CSTF1: variants seen among roughly 807,000 people sequenced by gnomAD.
CSTF1 encodes cleavage stimulation factor subunit 1, also known as CF-1 50 kDa subunit.
Under a neutral mutation model 40.9 loss-of-function variants are expected in CSTF1, and 2 were observed. The observed-to-expected ratio is 0.05, with a 90% CI of 0.02 to 0.15. The LOEUF (loss-of-function observed/expected upper bound fraction) is 0.15, where lower values mean the gene tolerates loss of function less well. CSTF1 is among the 10% of genes least tolerant of loss of function. The pLI, the probability that CSTF1 is intolerant of heterozygous loss-of-function variation, is 1.00. For missense variants in CSTF1, 279 were observed against 558.9 expected (o/e 0.50, Z 5.05); for synonymous variants, 218 against 207.2 (o/e 1.05, Z -0.45).
rs188320852 is a variant in CSTF1, at chr20:56,406,272, T to C, written c.*2545T>C. 2.0e-5 allele frequency: 3 copies of C among 152,260 alleles called. No individual in the cohort carries two copies. In the East Asian group the frequency reaches 5.8e-4, roughly 29 times the overall value. The allele number at this position is 152,260 out of a possible 1,614,324, so 9.4% of individuals were successfully genotyped here. On this transcript the variant is annotated 3_prime_UTR_variant, in exon 6 of 6. Transcript: ENST00000217109. ...ACACAACACTCTGCCATTCAAATAA[T>C]GAATATCTGGTCAGGATACGAACTT... is the stretch of plus-strand genomic sequence containing the variant.
chr20:56,400,826 G>C (rs1381085225), intron 5 of CSTF1, among the ~76,000 whole-genome samples: 1 of 152,112 alleles, frequency 6.6e-6, no homozygotes, highest in Non-Finnish European at 1.5e-5. Flanking sequence ...AGATCACAAG[G>C]TCAGGAGTTT....
chr20:56,403,959 G>A lies in CSTF1; in HGVS notation c.*232G>A. On this transcript the variant is annotated 3_prime_UTR_variant, in exon 6 of 6. Coordinates refer to ENST00000217109, the MANE Select transcript of CSTF1 (RefSeq NM_001324.3). ...CTACATTCACTGATTATTACAGTGTGATTTTCATCGGTTTTGTAAGTACAG... is the reference window on the plus strand; with the variant it reads ...CTACATTCACTGATTATTACAGTGTAATTTTCATCGGTTTTGTAAGTACAG... The A allele has an allele frequency of 4.3e-6, 2 of 466,600 alleles. No homozygotes were observed. The highest frequency in any genetic ancestry group is 4.5e-5 in the South Asian group (1 of 22,190). 28.9% of individuals were successfully genotyped at this position (466,600 alleles called of 1,614,324 possible).
chr20:56,400,245 A>G (rs1194130009), intron 5 of CSTF1, among the ~76,000 whole-genome samples: 4 of 152,166 alleles, frequency 2.6e-5, no homozygotes, highest in African/African-American at 4.8e-5. Context: ...GATTTGTCTC[A>G]TTGTAACCAA....
At position 56,397,425 on chromosome 20, in the gene CSTF1, G is replaced by T; in HGVS notation, c.388G>T (p.Ala130Ser). The change falls in exon 3 of 6, where the codon GCT becomes TCT. Residue 130 changes from alanine (A) to serine (S), a missense_variant. Coordinates refer to ENST00000217109, the MANE Select transcript of CSTF1 (RefSeq NM_001324.3). This position sits in a 1 kb window ranked among gnomAD's most constrained non-coding sequence, Gnocchi z 4.4. Reference sequence around the variant, plus strand: ...GTTAATAGCTACTGGGTCTGCTGATGCTTCGATAAAGATACTTGACACAGA... The same window carrying T: ...GTTAATAGCTACTGGGTCTGCTGATTCTTCGATAAAGATACTTGACACAGA... ...GQLIATGSAD[A>S]SIKILDTERM... 6.2e-7 allele frequency: 1 copy of T among 1,614,164 alleles called. No homozygotes were observed. The highest frequency in any genetic ancestry group is 8.5e-7 in the Non-Finnish European group (1 of 1,180,038).
chr20:56,393,760 C>T (rs569933483), intron 1 of CSTF1, among the ~76,000 whole-genome samples: 2 of 152,232 alleles, frequency 1.3e-5, no homozygotes, highest in African/African-American at 4.8e-5. Context: ...TGGGTGGTGT[C>T]AGCCTCTAAT....
In CSTF1 at chr20:56,399,104, C is replaced by T. The variant is rs781732308; in HGVS notation, c.783C>T (p.His261=). The part of the protein sequence containing the change: ...CFVSCNPQDQ[H]TDAICSVNYN... Reference sequence around the variant, plus strand: ...TCTCTTGCAATCCTCAAGATCAACACACCGATGCTATATGTTCCGTTAATT... The same window carrying T: ...TCTCTTGCAATCCTCAAGATCAACATACCGATGCTATATGTTCCGTTAATT... The change falls in exon 5 of 6, where the codon CAC becomes CAT. Residue 261 remains histidine (H), a synonymous_variant. Coordinates refer to ENST00000217109, the MANE Select transcript of CSTF1 (RefSeq NM_001324.3). The surrounding 1 kb of genome is among the most constrained non-coding windows in gnomAD (Gnocchi z 4.6). 1.4e-5 allele frequency: 23 copies of T among 1,614,076 alleles called. No homozygotes were observed. The highest frequency in any genetic ancestry group is 8.8e-5 in the South Asian group (8 of 91,090).
At chr20:56,400,596 C>T (rs972670921) in intron 5 of CSTF1, among the ~76,000 whole-genome samples, 1 of 152,064 alleles carries the variant, frequency 6.6e-6, no homozygotes, top group African/African-American at 2.4e-5. Flanking sequence ...GGTTGATTGG[C>T]TTGTTTTAGT....
chr20:56,392,555 G>GA (rs1347166297), upstream of CSTF1: 1 of 151,602 alleles, frequency 6.6e-6, no homozygotes, highest in Admixed American at 6.5e-5. Flanking sequence ...AAGATGGCGA[G>GA]AAAAGCAAGA....
rs1301467420 is a variant in CSTF1, at chr20:56,395,888, G to A, written c.169+167G>A. 18 of 669,276 alleles carry A rather than the reference G, an allele frequency of 2.7e-5. No individual in the cohort carries two copies. The Admixed American group carries it at 5.5e-4, about 21-fold the overall frequency. 41.5% of individuals were successfully genotyped at this position (669,276 alleles called of 1,614,324 possible). A position where few individuals can be genotyped will look rare whatever the true frequency, so the allele number is the denominator to read the frequency against. ...GTTCAGGAAGTAGCTCAGTAAGTAAGGGGTAAAGCAAAGTTCAGATTATGA... is the reference window on the plus strand; with the variant it reads ...GTTCAGGAAGTAGCTCAGTAAGTAAAGGGTAAAGCAAAGTTCAGATTATGA... On this transcript the variant is annotated intron_variant, in intron 2 of 5. Coordinates refer to ENST00000217109, the MANE Select transcript of CSTF1 (RefSeq NM_001324.3).
At chr20:56,400,902 G>C (rs1978419944) in intron 5 of CSTF1, among the ~76,000 whole-genome samples, 1 of 152,126 alleles carries the variant, frequency 6.6e-6, no homozygotes, top group Non-Finnish European at 1.5e-5. Flanking sequence ...AGCTGGGCTT[G>C]GTGGCGGGCG....
chr20:56,397,084 G>A lies in CSTF1; in HGVS notation c.170-123G>A, dbSNP rs112426844. 2.0e-4 allele frequency: 209 copies of A among 1,035,882 alleles called. No individual in the cohort carries two copies. In the African/African-American group the frequency reaches 2.6e-3, roughly 13 times the overall value. The allele number at this position is 1,035,882 out of a possible 1,614,324, so 64.2% of individuals were successfully genotyped here. A position where few individuals can be genotyped will look rare whatever the true frequency, so the allele number is the denominator to read the frequency against. On this transcript the variant is annotated intron_variant, in intron 2 of 5. Transcript: ENST00000217109. The surrounding 1 kb of genome is among the most constrained non-coding windows in gnomAD (Gnocchi z 4.4). ...TTTTGTAAAGTGTTAGGTGTCACGCGGCTCCAAGAAATAGGAGGTTGACAC... is the reference window on the plus strand; with the variant it reads ...TTTTGTAAAGTGTTAGGTGTCACGCAGCTCCAAGAAATAGGAGGTTGACAC...
At position 56,395,643 on chromosome 20, in the gene CSTF1, G is replaced by A; in HGVS notation, c.91G>A (p.Ala31Thr). 1 of 1,614,042 alleles carries A rather than the reference G, an allele frequency of 6.2e-7. No individual in the cohort carries two copies. Residue 31 changes from alanine to threonine, a missense_variant, in exon 2 of 6, where the codon GCC becomes ACC. Transcript: ENST00000217109. ...GCTATATGACGGCTACATCAGCATC[G>A]CCAATGGCCTCATCAATGAAATCAA... ...QLLYDGYISI[A>T]NGLINEIKPQ...
chr20:56,396,766 CTT>C (rs762908947), intron 2 of CSTF1, among the ~76,000 whole-genome samples: 119 of 152,024 alleles, frequency 7.8e-4, no homozygotes, highest in Middle Eastern at 3.4e-3. Context: ...TTTTAAATAA[CTT>C]TATTTCAAAA....
chr20:56,397,408 C>T lies in CSTF1; in HGVS notation c.371C>T (p.Ala124Val). ...ATYSRDGQLI[A>V]TGSADASIKI... ...TATAGTAGAGATGGACAGTTAATAG[C>T]TACTGGGTCTGCTGATGCTTCGATA... Residue 124 changes from alanine to valine, a missense_variant, in exon 3 of 6, where the codon GCT (alanine) becomes GTT (valine). Physicochemically the swap from Ala to Val is moderately conservative, Grantham distance 64. Coordinates refer to ENST00000217109, the MANE Select transcript of CSTF1 (RefSeq NM_001324.3). This position sits in a 1 kb window ranked among gnomAD's most constrained non-coding sequence, Gnocchi z 4.4. The T allele has an allele frequency of 6.2e-7, 1 of 1,614,156 alleles. No individual in the cohort carries two copies. Among genetic ancestry groups the T allele is most frequent in the Non-Finnish European group, 8.5e-7 (1 of 1,180,026 alleles).
rs1282675691 is a variant in CSTF1, at chr20:56,392,695, A to G, written c.-51A>G. ...TTTTTCCAGGAGAGAGCGGGATACC[A>G]AGAGAACCGGACCAGCTGGTACTGG... On this transcript the variant is annotated 5_prime_UTR_variant, in exon 1 of 6. Transcript: ENST00000217109. The G allele has an allele frequency of 2.0e-5, 3 of 152,208 alleles. No homozygotes were observed. Among genetic ancestry groups the G allele is most frequent in the African/African-American group, 7.2e-5 (3 of 41,452 alleles). The allele number at this position is 152,208 out of a possible 1,614,324, so 9.4% of individuals were successfully genotyped here. A position where few individuals can be genotyped will look rare whatever the true frequency, so the allele number is the denominator to read the frequency against.
chr20:56,398,933 T>C (rs1293370914), intron 4 of CSTF1, 34 bp from the exon 5 acceptor site: 1 of 1,535,650 alleles, frequency 6.5e-7, no homozygotes, highest in African/African-American at 1.4e-5. Flanking sequence ...TGTTCACCAG[T>C]TGGTCACTTG....
Position 56,403,456 on chromosome 20 carries a change from T to C in CSTF1, c.1037-12T>C. On this transcript the variant is annotated splice_polypyrimidine_tract_variant and intron_variant, in intron 5 of 5. Coordinates refer to ENST00000217109, the MANE Select transcript of CSTF1 (RefSeq NM_001324.3). ...GGACTTAGAAAGCTATCCCTCTTGC[T>C]CTCTGTGGCAGGCGCGGGTTTAAGT... 6.2e-7 allele frequency: 1 copy of C among 1,613,864 alleles called. No homozygotes were observed. Among genetic ancestry groups the C allele is most frequent in the Non-Finnish European group, 8.5e-7 (1 of 1,179,782 alleles).
At chr20:56,403,417 A>G in intron 5 of CSTF1, 51 bp from the exon 6 acceptor site, 1 of 1,602,322 alleles carries the variant, frequency 6.2e-7, no homozygotes, top group Non-Finnish European at 8.5e-7. Context: ...GAACGTTCTG[A>G]GGGTCTAAGA....
At chr20:56,394,044 T>G (rs1321218996) in intron 1 of CSTF1, among the ~76,000 whole-genome samples, 1 of 152,330 alleles carries the variant, frequency 6.6e-6, no homozygotes, top group Non-Finnish European at 1.5e-5. Context: ...CTCAGCCACT[T>G]TTTACGTTGA....
Sources: gnomAD v4.1 joint callset for allele counts (sites outside exome capture counted in the v4.1 genomes callset) on GRCh38, gnomAD v4.1.1 for gene constraint, Gnocchi (gnomAD v3.1) non-coding constraint, MANE v1.5 for transcripts, NCBI Gene and HGNC (gene_info 2026-07-23, HGNC 2026-07-21) for gene names.